The following WWOX variants were observed in gnomAD, a reference collection of about 807,000 sequenced individuals.
The protein encoded by WWOX is WW domain containing oxidoreductase, also known as WW domain-containing oxidoreductase.
Under a neutral mutation model 46.2 loss-of-function variants are expected in WWOX, and 69 were observed. That is an observed-to-expected ratio of 1.49 (90% CI 1.23 to 1.82). The LOEUF (loss-of-function observed/expected upper bound fraction) is 1.82. Ranked by LOEUF, WWOX falls within the 40% of genes most tolerant of loss-of-function variation. The pLI is 0.00. For synonymous variants in WWOX, 359 were observed against 202.6 expected, an observed-to-expected ratio of 1.77 and a Z score of -6.56; for missense variants, 919 against 542.6, an observed-to-expected ratio of 1.69 and a Z score of -6.89.
intron 8 of WWOX, among the ~76,000 whole-genome samples, chr16:78,656,467 A>G (rs2047083466): frequency 6.6e-6 from 1 of 152,198 alleles, no homozygotes; most frequent in African/African-American, 2.4e-5. Flanking sequence ...GAAACTTAAA[A>G]TCATGGCAGA....
At chr16:78,968,133 CCGTGTGGCACAGCGCGTGG>C (rs2046399260) in intron 8 of WWOX, among the ~76,000 whole-genome samples, 1 of 7,354 alleles carries the variant, frequency 1.4e-4, no homozygotes, top group Admixed American at 1.2e-3. Flanking sequence ...AGCGCGTGGT[CCGTGTGGCACAGCGCGTGG>C]TCCGCGTGGC....
At chr16:78,565,280 T>A (rs1271824760) in intron 8 of WWOX, among the ~76,000 whole-genome samples, 2 of 152,212 alleles carry the variant, frequency 1.3e-5, no homozygotes, top group Non-Finnish European at 2.9e-5. Context: ...ATGTTGCAGT[T>A]CTGGGGAGTC....
chr16:78,780,248 G>A (rs760531758), intron 8 of WWOX, among the ~76,000 whole-genome samples: 11 of 152,076 alleles, frequency 7.2e-5, no homozygotes, highest in Non-Finnish European at 1.2e-4. Flanking sequence ...TGGAAGCTGG[G>A]GGTCAGGAGA....
At chr16:78,719,622 A>G (rs1426169395) in intron 8 of WWOX, among the ~76,000 whole-genome samples, 1 of 152,244 alleles carries the variant, frequency 6.6e-6, no homozygotes, top group South Asian at 2.1e-4. Flanking sequence ...CCTTTTTAAT[A>G]AGCTAGTCAG....
chr16:79,138,831 G>A (rs543954647), intron 8 of WWOX, among the ~76,000 whole-genome samples: 1 of 152,174 alleles, frequency 6.6e-6, no homozygotes, highest in African/African-American at 2.4e-5. Flanking sequence ...CACCAGATGT[G>A]GCAGGGTGAG....
chr16:78,422,832 TATATATACATATACACACACACACACAC>T (rs1567563650), intron 6 of WWOX, among the ~76,000 whole-genome samples: 19 of 110,174 alleles, frequency 1.7e-4, no homozygotes, highest in African/African-American at 7.7e-4. Context: ...CACACATATA[TATATATACATATACACACACACACACAC>T]ACACACACAC....
At chr16:78,312,981 C>T (rs541122960) in intron 5 of WWOX, among the ~76,000 whole-genome samples, 5 of 152,312 alleles carry the variant, frequency 3.3e-5, no homozygotes, top group South Asian at 4.2e-4. Flanking sequence ...TAAGTAGATA[C>T]CTGTTGAGTG....
At chr16:78,761,311 GT>G (rs934662079) in intron 8 of WWOX, among the ~76,000 whole-genome samples, 1 of 152,190 alleles carries the variant, frequency 6.6e-6, no homozygotes, top group Non-Finnish European at 1.5e-5. Context: ...TTATCAATCT[GT>G]TTGGATTTTC....
chr16:78,581,438 A>C (rs2045050101), intron 8 of WWOX, among the ~76,000 whole-genome samples: 1 of 152,194 alleles, frequency 6.6e-6, no homozygotes. Flanking sequence ...GTTTTATTTT[A>C]ATTGAGTTTT....
rs1210521986 is a variant in WWOX, at chr16:78,594,436, C to G, written c.1056+161684C>G. On this transcript the variant is annotated intron_variant, in intron 8 of 8. Coordinates refer to ENST00000566780, the MANE Select transcript of WWOX (RefSeq NM_016373.4). ...GAAGAAGACTGAGGAAAGGCCCCCC[C>G]CCCCCCCCCGCCAAATTGTCCCGTT... Among the ~76,000 whole-genome samples, 10 of 65,536 alleles carry G rather than the reference C, an allele frequency of 1.5e-4. 3 individuals carry two copies. The South Asian group carries it at 7.0e-3, about 46-fold the overall frequency. The allele number at this position is 65,536 out of a possible 152,430, so 43.0% of individuals were successfully genotyped here.
chr16:78,475,309 T>G (rs182432140), intron 8 of WWOX, among the ~76,000 whole-genome samples: 2 of 152,238 alleles, frequency 1.3e-5, no homozygotes, highest in Non-Finnish European at 2.9e-5. Flanking sequence ...TTGTGCTGTT[T>G]TGGGCTCTCC....
At chr16:78,839,496 G>A (rs573569101) in intron 8 of WWOX, among the ~76,000 whole-genome samples, 6 of 152,290 alleles carry the variant, frequency 3.9e-5, no homozygotes, top group African/African-American at 1.2e-4. Context: ...TGCATTTTAT[G>A]TACAGGGCTG....
At chr16:78,436,356 A>G (rs1361571712) in intron 8 of WWOX, among the ~76,000 whole-genome samples, 2 of 152,182 alleles carry the variant, frequency 1.3e-5, no homozygotes, top group East Asian at 3.9e-4. Context: ...TCCAACCTGC[A>G]CGTCTCATTT....
chr16:78,784,795 A>G (rs2142567755), intron 8 of WWOX, among the ~76,000 whole-genome samples: 2 of 152,226 alleles, frequency 1.3e-5, no homozygotes, highest in Middle Eastern at 6.8e-3. Flanking sequence ...CCTTCATAAT[A>G]AGGACTCACA....
intron 8 of WWOX, among the ~76,000 whole-genome samples, chr16:79,038,674 C>A (rs144668289): frequency 6.6e-6 from 1 of 152,152 alleles, no homozygotes; most frequent in South Asian, 2.1e-4. Flanking sequence ...CTCAGGCTCC[C>A]AAGTAGCTGG....
intron 8 of WWOX, among the ~76,000 whole-genome samples, chr16:78,909,533 G>T (rs1347138401): frequency 6.6e-6 from 1 of 152,136 alleles, no homozygotes; most frequent in African/African-American, 2.4e-5. Flanking sequence ...GTGCCTTCTG[G>T]ATGGTTTTAA....
At chr16:78,236,082 G>A (rs1442127225) in intron 5 of WWOX, among the ~76,000 whole-genome samples, 1 of 152,230 alleles carries the variant, frequency 6.6e-6, no homozygotes, top group Non-Finnish European at 1.5e-5. Flanking sequence ...GGAACAGGCA[G>A]TGGGCCAGAT....
intron 8 of WWOX, among the ~76,000 whole-genome samples, chr16:78,950,533 TACACACACAC>T (rs141591649): frequency 0.056 from 8,285 of 147,040 alleles, 293 homozygotes; most frequent in Non-Finnish European, 0.083. Flanking sequence ...CACACACACA[TACACACACAC>T]ACACACACAC....
intron 5 of WWOX, among the ~76,000 whole-genome samples, chr16:78,217,588 C>A (rs1458032633): frequency 6.6e-6 from 1 of 152,192 alleles, no homozygotes; most frequent in East Asian, 1.9e-4. Flanking sequence ...GGCTTCCGAC[C>A]TTAATAGAGA....
Sources: allele counts gnomAD v4.1 joint callset (sites outside exome capture counted in the v4.1 genomes callset), GRCh38; gene constraint gnomAD v4.1.1; transcripts MANE v1.5; gene names NCBI Gene and HGNC (gene_info 2026-07-23, HGNC 2026-07-21).